ADCY2: variants seen among roughly 807,000 people sequenced by gnomAD.
ADCY2 encodes adenylate cyclase 2.
ADCY2 carries 31 observed loss-of-function variants against 125.2 expected under a neutral mutation model. The observed-to-expected ratio is 0.25, with a 90% CI of 0.19 to 0.33. ADCY2 has a LOEUF of 0.33. Among genes scored for constraint, ADCY2 ranks in the 10% least tolerant of loss-of-function variants. The probability of loss-of-function intolerance (pLI) is 1.00; values close to 1 mark genes in which losing one functional copy is unlikely to be tolerated. For synonymous variants in ADCY2, 512 were observed against 548.4 expected, an observed-to-expected ratio of 0.93 and a Z score of 0.93; for missense variants, 904 against 1,418.2, an observed-to-expected ratio of 0.64 and a Z score of 5.82.
intron 3 of ADCY2, among the ~76,000 whole-genome samples, chr5:7,563,701 T>A (rs1735800627): frequency 6.6e-6 from 1 of 152,088 alleles, no homozygotes; most frequent in Non-Finnish European, 1.5e-5. Context: ...CACAGGAACT[T>A]TATAGCTTTT....
At chr5:7,493,656 C>T (rs910124935) in intron 2 of ADCY2, among the ~76,000 whole-genome samples, 19 of 152,098 alleles carry the variant, frequency 1.2e-4, no homozygotes, top group African/African-American at 4.3e-4. Flanking sequence ...AGGAGATTGG[C>T]TCTTGCTGTC....
chr5:7,689,074 T>G (rs957644840), intron 4 of ADCY2, among the ~76,000 whole-genome samples: 3 of 152,086 alleles, frequency 2.0e-5, no homozygotes, highest in African/African-American at 7.2e-5. Flanking sequence ...ACCCCCTGGT[T>G]TTTTCAAGTG....
intron 14 of ADCY2, among the ~76,000 whole-genome samples, chr5:7,731,413 G>A (rs1263240623): frequency 1.3e-5 from 2 of 149,774 alleles, no homozygotes; most frequent in East Asian, 4.0e-4. Context: ...CCAACATCAC[G>A]CCCAGCTGAT....
rs537110787 is a variant in ADCY2, at chr5:7,781,721, T to G, written c.2385-2644T>G. Among the ~76,000 whole-genome samples, 16 of 151,524 alleles carry G rather than the reference T, an allele frequency of 1.1e-4. No homozygotes were observed. The South Asian group carries it at 3.3e-3, about 32-fold the overall frequency. On this transcript the variant is annotated intron_variant, in intron 18 of 24. Coordinates refer to ENST00000338316, the MANE Select transcript of ADCY2 (RefSeq NM_020546.3). ...CCTCGTTATAGCAACTCTAGGAAAC[T>G]AATTCAGAGATCAACACAACTGACT...
chr5:7,673,908 C>T (rs1208111891), intron 4 of ADCY2, among the ~76,000 whole-genome samples: 1 of 152,084 alleles, frequency 6.6e-6, no homozygotes, highest in Non-Finnish European at 1.5e-5. Context: ...TTCTGGGATT[C>T]CTACCCCCCG....
intron 3 of ADCY2, among the ~76,000 whole-genome samples, chr5:7,606,083 T>A (rs1489035519): frequency 6.6e-6 from 1 of 151,474 alleles, no homozygotes; most frequent in East Asian, 2.0e-4. Context: ...GTGGTTTTTG[T>A]CTTTGGCTCT....
chr5:7,581,774 T>C (rs1316408355), intron 3 of ADCY2, among the ~76,000 whole-genome samples: 2 of 149,562 alleles, frequency 1.3e-5, no homozygotes, highest in Non-Finnish European at 2.9e-5. Flanking sequence ...TGAGCTGAGA[T>C]TGTGCCACTG....
intron 2 of ADCY2, among the ~76,000 whole-genome samples, chr5:7,498,378 A>C (rs1743422567): frequency 6.6e-6 from 1 of 150,670 alleles, no homozygotes; most frequent in Admixed American, 6.7e-5. Context: ...CCTCCCAAGT[A>C]GCTGGGACTA....
intron 2 of ADCY2, among the ~76,000 whole-genome samples, chr5:7,476,367 A>G (rs1045392254): frequency 3.3e-5 from 5 of 152,150 alleles, no homozygotes; most frequent in Non-Finnish European, 5.9e-5. Flanking sequence ...GTGGGAGGAC[A>G]TGGAGCAGCC....
chr5:7,487,850 G>C (rs1742998876), intron 2 of ADCY2, among the ~76,000 whole-genome samples: 1 of 152,008 alleles, frequency 6.6e-6, no homozygotes, highest in South Asian at 2.1e-4. Flanking sequence ...TTTCTTTCAG[G>C]ACCAAAATAT....
chr5:7,422,199 GT>G (rs1241242963), intron 2 of ADCY2, among the ~76,000 whole-genome samples: 1 of 151,772 alleles, frequency 6.6e-6, no homozygotes, highest in Admixed American at 6.6e-5. Context: ...TGATGATTTT[GT>G]TTTTCTTTCT....
intron 23 of ADCY2, 80 bp from the exon 24 acceptor site, chr5:7,820,485 C>T: frequency 6.6e-7 from 1 of 1,521,558 alleles, no homozygotes; most frequent in African/African-American, 1.4e-5. Context: ...CAGAATAAGA[C>T]CCCATCTCAA....
Position 7,664,144 on chromosome 5 carries a change from A to G in ADCY2, c.721-26547A>G, listed in dbSNP as rs374250316. 4.6e-5 allele frequency among the ~76,000 whole-genome samples: 7 copies of G among 152,350 alleles called. No homozygotes were observed. In the South Asian group the frequency reaches 8.3e-4, roughly 18 times the overall value. ...TAGAAACCATCGAAATGGAGGTTAA[A>G]TGAACATTTCAAAAGAATTTGTTTG... On this transcript the variant is annotated intron_variant, in intron 4 of 24. Transcript: ENST00000338316.
Position 7,709,233 on chromosome 5 carries a change from A to G in ADCY2, c.1424A>G (p.His475Arg). The G allele has an allele frequency of 6.2e-7, 1 of 1,612,144 alleles. No homozygotes were observed. The highest frequency in any genetic ancestry group is 1.1e-5 in the South Asian group (1 of 90,802). The stretch of plus-strand genomic sequence containing the variant: ...AAGGGAGAACGACGGAGCCCCCAGC[A>G]TCTCTTCAGACCTCGCCACACCCTT... Reference protein sequence around the residue: ...NPKGERRSPQHLFRPRHTLDG... With the variant: ...NPKGERRSPQRLFRPRHTLDG... The change falls in exon 10 of 25, where the codon CAT (histidine) becomes CGT (arginine). Residue 475 changes from histidine (H) to arginine (R), a missense_variant. Coordinates refer to ENST00000338316, the MANE Select transcript of ADCY2 (RefSeq NM_020546.3). The surrounding 1 kb of genome is among the most constrained non-coding windows in gnomAD (Gnocchi z 4.4).
At chr5:7,803,641 G>A (rs1044044778) in intron 21 of ADCY2, among the ~76,000 whole-genome samples, 4 of 152,180 alleles carry the variant, frequency 2.6e-5, no homozygotes, top group Non-Finnish European at 5.9e-5. Context: ...GCTTGTGCCT[G>A]TCATCCTAGC....
intron 22 of ADCY2, among the ~76,000 whole-genome samples, chr5:7,804,934 C>G (rs1396824585): frequency 6.6e-6 from 1 of 152,074 alleles, no homozygotes; most frequent in Non-Finnish European, 1.5e-5. Flanking sequence ...CTGCTTGTTA[C>G]CAGATAAATA....
intron 2 of ADCY2, among the ~76,000 whole-genome samples, chr5:7,427,988 A>G (rs1298544254): frequency 1.3e-5 from 2 of 152,200 alleles, no homozygotes; most frequent in African/African-American, 4.8e-5. Flanking sequence ...TTTCAGAACA[A>G]CAACTACAGA....
intron 1 of ADCY2, among the ~76,000 whole-genome samples, chr5:7,404,126 A>G (rs1218918008): frequency 6.6e-6 from 1 of 152,118 alleles, no homozygotes; most frequent in Non-Finnish European, 1.5e-5. Flanking sequence ...GAATTTTTGC[A>G]TTTCATCCAA....
intron 14 of ADCY2, among the ~76,000 whole-genome samples, chr5:7,727,980 C>G (rs969594964): frequency 6.6e-6 from 1 of 152,082 alleles, no homozygotes; most frequent in African/African-American, 2.4e-5. Context: ...ATTTTATGAT[C>G]TAAAGAAAAT....
Sources: gnomAD v4.1 joint callset for allele counts (sites outside exome capture counted in the v4.1 genomes callset) on GRCh38, gnomAD v4.1.1 for gene constraint, Gnocchi (gnomAD v3.1) non-coding constraint, MANE v1.5 for transcripts, NCBI Gene and HGNC (gene_info 2026-07-23, HGNC 2026-07-21) for gene names.